Variants in GLRA2 observed in about 807,000 individuals in gnomAD.
The protein encoded by GLRA2 is glycine receptor alpha 2.
In GLRA2, 11 loss-of-function variants were observed where a neutral mutation model predicts 31.6. That is an observed-to-expected ratio of 0.35 (90% CI 0.22 to 0.58). The LOEUF (loss-of-function observed/expected upper bound fraction) is 0.58, where lower values mean the gene tolerates loss of function less well. Ranked by LOEUF, GLRA2 falls within the 20% of genes least tolerant of loss-of-function variation. The probability of loss-of-function intolerance (pLI) is 0.84; values close to 1 mark genes in which losing one functional copy is unlikely to be tolerated. For synonymous variants in GLRA2, 132 were observed against 134.0 expected (o/e 0.99, Z 0.10); for missense variants, 212 against 351.8 (o/e 0.60, Z 3.18).
chrX:14,716,144 C>T (rs756023301), intron 8 of GLRA2, among the ~76,000 whole-genome samples: 1 of 111,250 alleles, frequency 9.0e-6, no homozygotes, highest in Non-Finnish European at 1.9e-5. Context: ...CATGTGTCTA[C>T]TCCCTGGTTG....
At chrX:14,454,206 A>C in the GLRA2 span, among the ~76,000 whole-genome samples, 5 of 109,401 alleles carry the variant, frequency 4.6e-5, no homozygotes, top group South Asian at 4.0e-4. Flanking sequence ...ACACACACAC[A>C]CACACACACA....
At chrX:14,592,201 C>G (rs1250123017) in intron 4 of GLRA2, among the ~76,000 whole-genome samples, 1 of 111,705 alleles carries the variant, frequency 9.0e-6, no homozygotes, top group Non-Finnish European at 1.9e-5. Flanking sequence ...TTCTTCATGT[C>G]CCTTAGGGCT....
At position 14,690,784 on chromosome X, in the gene GLRA2, C is replaced by T. The variant is rs374660375; in HGVS notation, c.1005C>T (p.Tyr335=). 10 of 1,201,078 alleles carry T rather than the reference C, an allele frequency of 8.3e-6. No homozygotes were observed. The highest frequency in any genetic ancestry group is 3.0e-5 in the East Asian group (1 of 33,814). Residue 335 remains tyrosine (Y), a synonymous_variant, in exon 8 of 9, where the codon TAC becomes TAT. Transcript: ENST00000218075. ...TTGTGTTTGCTGCCTTACTGGAATA[C>T]GCAGCGGTGAACTTCGTCTCCAGGC... The part of the protein sequence containing the change: ...LLFVFAALLE[Y]AAVNFVSRQH...
intron 7 of GLRA2, among the ~76,000 whole-genome samples, chrX:14,645,544 G>A (rs1431193559): frequency 9.0e-6 from 1 of 111,375 alleles, no homozygotes; most frequent in Non-Finnish European, 1.9e-5. Context: ...CCAAATATAC[G>A]TGCAAATGGC....
intron 2 of GLRA2, among the ~76,000 whole-genome samples, chrX:14,571,439 T>C (rs949133656): frequency 8.9e-6 from 1 of 112,158 alleles, no homozygotes; most frequent in African/African-American, 3.2e-5. Flanking sequence ...GCAGGTCAAC[T>C]TCCATATTTA....
At chrX:14,491,097 A>G in the GLRA2 span, among the ~76,000 whole-genome samples, 2 of 112,088 alleles carry the variant, frequency 1.8e-5, no homozygotes, top group Non-Finnish European at 1.9e-5. Context: ...TAGGCCTGCT[A>G]TTATGGTCAG....
the GLRA2 span, among the ~76,000 whole-genome samples, chrX:14,465,250 T>C: frequency 8.9e-6 from 1 of 112,249 alleles, no homozygotes; most frequent in South Asian, 3.7e-4. Context: ...CTTTTTCAGC[T>C]AGTTCATTGG....
At chrX:14,537,565 C>T (rs988414793) in intron 2 of GLRA2, among the ~76,000 whole-genome samples, 1 of 111,048 alleles carries the variant, frequency 9.0e-6, no homozygotes, top group Admixed American at 9.6e-5. Flanking sequence ...ATCCCTTGTC[C>T]AATAACTATT....
At position 14,639,102 on chromosome X, in the gene GLRA2, G is replaced by T. The variant is rs1296463215; in HGVS notation, c.930+29897G>T. ...ATTATTACACTTGCTACCTCTTAAGGCTGCTGTAAGGTCTTACATGATATA... is the reference window on the plus strand; with the variant it reads ...ATTATTACACTTGCTACCTCTTAAGTCTGCTGTAAGGTCTTACATGATATA... On this transcript the variant is annotated intron_variant, in intron 7 of 8. Transcript: ENST00000218075. Among the ~76,000 whole-genome samples, 3 of 111,231 alleles carry T rather than the reference G, an allele frequency of 2.7e-5. No individual in the cohort carries two copies. The East Asian group carries it at 8.5e-4, about 32-fold the overall frequency.
At chrX:14,483,748 G>T in the GLRA2 span, among the ~76,000 whole-genome samples, 2 of 112,155 alleles carry the variant, frequency 1.8e-5, no homozygotes, top group African/African-American at 3.2e-5. Context: ...TGATTGGATT[G>T]AAGGATGCAA....
At chrX:14,521,328 T>C in the GLRA2 span, among the ~76,000 whole-genome samples, 1 of 111,457 alleles carries the variant, frequency 9.0e-6, no homozygotes, top group African/African-American at 3.3e-5. Flanking sequence ...GGGTCCTGGA[T>C]AGGACAAAAA....
chrX:14,724,088 G>A (rs1054748121), intron 8 of GLRA2, among the ~76,000 whole-genome samples: 3 of 111,167 alleles, frequency 2.7e-5, no homozygotes, highest in Non-Finnish European at 3.8e-5. Context: ...TACCTTAACT[G>A]TTTATTTTTT....
chrX:14,466,187 C>T, the GLRA2 span, among the ~76,000 whole-genome samples: 1 of 111,431 alleles, frequency 9.0e-6, no homozygotes, highest in East Asian at 2.8e-4. Flanking sequence ...TTTGAGGATG[C>T]ATTGATATCT....
At chrX:14,652,942 C>T (rs1279201896) in intron 7 of GLRA2, among the ~76,000 whole-genome samples, 6 of 111,291 alleles carry the variant, frequency 5.4e-5, no homozygotes, top group Non-Finnish European at 1.1e-4. Context: ...TTGTGCCAAA[C>T]AGTCAAGATG....
chrX:14,452,226 C>G, the GLRA2 span, among the ~76,000 whole-genome samples: 1 of 112,376 alleles, frequency 8.9e-6, no homozygotes, highest in Non-Finnish European at 1.9e-5. Flanking sequence ...ACCACTCACT[C>G]AAAATATTCC....
At chrX:14,510,814 A>C in the GLRA2 span, among the ~76,000 whole-genome samples, 1 of 111,963 alleles carries the variant, frequency 8.9e-6, no homozygotes, top group Non-Finnish European at 1.9e-5. Flanking sequence ...TTTGTCATCC[A>C]TTGTTCATAT....
At chrX:14,680,483 C>T (rs1369294430) in intron 7 of GLRA2, among the ~76,000 whole-genome samples, 2 of 112,079 alleles carry the variant, frequency 1.8e-5, no homozygotes, top group Admixed American at 9.5e-5. Flanking sequence ...AAGAAGGAAT[C>T]TTGTAAGCCC....
At chrX:14,631,633 C>G (rs1360343756) in intron 7 of GLRA2, among the ~76,000 whole-genome samples, 1 of 109,013 alleles carries the variant, frequency 9.2e-6, no homozygotes, top group Non-Finnish European at 1.9e-5. Flanking sequence ...GAATGATCAA[C>G]TTTTCCAGTC....
At chrX:14,697,509 A>G (rs2091466770) in intron 8 of GLRA2, among the ~76,000 whole-genome samples, 2 of 111,713 alleles carry the variant, frequency 1.8e-5, no homozygotes, top group Admixed American at 1.9e-4. Context: ...TCTTTTCTTC[A>G]TATGTTCCAG....
Sources: gnomAD v4.1 joint callset for allele counts (sites outside exome capture counted in the v4.1 genomes callset) on GRCh38, gnomAD v4.1.1 for gene constraint, MANE v1.5 for transcripts, NCBI Gene and HGNC (gene_info 2026-07-23, HGNC 2026-07-21) for gene names.